Variants in ABL2 observed in about 807,000 individuals in gnomAD.
The protein encoded by ABL2 is tyrosine-protein kinase ABL2.
A neutral mutation model predicts 107.7 loss-of-function variants in ABL2; 49 were observed. The observed-to-expected ratio is 0.45, with a 90% CI of 0.36 to 0.58. ABL2 has a LOEUF of 0.58. Ranked by LOEUF, ABL2 falls within the 20% of genes least tolerant of loss-of-function variation. ABL2 has a pLI of 0.00. For synonymous variants in ABL2, 549 were observed against 548.6 expected (o/e 1.00, Z -0.01); for missense variants, 1,245 against 1,457.0 (o/e 0.85, Z 2.37).
chr1:179,177,819 C>T (rs913523743), intron 1 of ABL2, among the ~76,000 whole-genome samples: 3 of 152,052 alleles, frequency 2.0e-5, no homozygotes, highest in African/African-American at 7.3e-5. Flanking sequence ...TCATCAGTAA[C>T]CAAGGGAAAA....
rs1652976882 is a variant in ABL2, at chr1:179,100,091, A to G, written c.*7627T>C. 4.3e-6 allele frequency: 1 copy of G among 232,176 alleles called. No homozygotes were observed. Among genetic ancestry groups the G allele is most frequent in the Non-Finnish European group, 8.5e-6 (1 of 117,390 alleles). 14.4% of individuals were successfully genotyped at this position (232,176 alleles called of 1,614,324 possible). On this transcript the variant is annotated 3_prime_UTR_variant, in exon 12 of 12. Coordinates refer to ENST00000502732, the MANE Select transcript of ABL2 (RefSeq NM_007314.4). Reference sequence around the variant, plus strand: ...GAGAGGGTTTTCAAACATATGCCCTAAAGAACCATAAACAAGTATCTCATT... The same window carrying G: ...GAGAGGGTTTTCAAACATATGCCCTGAAGAACCATAAACAAGTATCTCATT...
chr1:179,110,980 C>CTTTTT (rs376797144), intron 10 of ABL2: 6 of 600,910 alleles, frequency 1.0e-5, no homozygotes, highest in African/African-American at 2.7e-5. Context: ...TTATTTTTGG[C>CTTTTT]TTTTTTTTTT....
chr1:179,142,025 AAGAC>A (rs777593517), intron 1 of ABL2, among the ~76,000 whole-genome samples: 3 of 152,250 alleles, frequency 2.0e-5, no homozygotes, highest in Non-Finnish European at 4.4e-5. Flanking sequence ...CTCATTGGTT[AAGAC>A]AGACATGTCT....
chr1:179,171,517 CAGGG>C (rs1254793942), intron 1 of ABL2, among the ~76,000 whole-genome samples: 4 of 152,260 alleles, frequency 2.6e-5, no homozygotes, highest in South Asian at 4.2e-4. Context: ...TTTAAAGACA[CAGGG>C]TCTCACTGTC....
At chr1:179,167,772 G>C (rs1456339354) in intron 1 of ABL2, among the ~76,000 whole-genome samples, 1 of 152,214 alleles carries the variant, frequency 6.6e-6, no homozygotes, top group African/African-American at 2.4e-5. Context: ...TTGAGGCCAA[G>C]AGTTCAAGAC....
chr1:179,159,253 C>T (rs1000960820), intron 1 of ABL2, among the ~76,000 whole-genome samples: 8 of 152,146 alleles, frequency 5.3e-5, no homozygotes, highest in African/African-American at 1.9e-4. Flanking sequence ...TCCTTAGAAC[C>T]TGTAGTCTAA....
chr1:179,135,748 G>C (rs1303701115), intron 1 of ABL2, among the ~76,000 whole-genome samples: 2 of 142,934 alleles, frequency 1.4e-5, no homozygotes, highest in East Asian at 4.3e-4. Context: ...CCCTCTGCCC[G>C]GCCAGCTGCC....
In ABL2 at chr1:179,137,189, T is replaced by C. The variant is rs1022360760; in HGVS notation, c.158-3815A>G. Among the ~76,000 whole-genome samples the C allele has an allele frequency of 6.6e-5, 10 of 152,168 alleles. No individual in the cohort carries two copies. In the East Asian group the frequency reaches 9.6e-4, roughly 15 times the overall value. On this transcript the variant is annotated intron_variant, in intron 1 of 11. Transcript: ENST00000502732. ...GGAACAGCTGTATTCTATACCAAGA[T>C]AGCCAATTTGGGATGACCAAATCAA...
chr1:179,226,310 CTTTTTTTTTTTTT>C (rs745831850), intron 1 of ABL2, among the ~76,000 whole-genome samples: 1 of 131,006 alleles, frequency 7.6e-6, no homozygotes. Flanking sequence ...ATTATCCCTA[CTTTTTTTTTTTTT>C]TTTTTTTTGA....
intron 1 of ABL2, among the ~76,000 whole-genome samples, chr1:179,192,766 A>G (rs1661091089): frequency 6.6e-6 from 1 of 152,224 alleles, no homozygotes; most frequent in South Asian, 2.1e-4. Context: ...TGGTTATTCA[A>G]AGTATGTTCT....
At chr1:179,130,001 A>T (rs1324777384) in intron 3 of ABL2, among the ~76,000 whole-genome samples, 1 of 152,086 alleles carries the variant, frequency 6.6e-6, no homozygotes, top group African/African-American at 2.4e-5. Context: ...GTGCAGTGGC[A>T]CCATCTCAGC....
chr1:179,165,667 T>C (rs1659333172), intron 1 of ABL2, among the ~76,000 whole-genome samples: 2 of 152,106 alleles, frequency 1.3e-5, no homozygotes, highest in South Asian at 4.1e-4. Context: ...TACATACTTT[T>C]ACTTTTCTGG....
At chr1:179,120,787 G>C (rs1172314980) in intron 5 of ABL2, among the ~76,000 whole-genome samples, 1 of 152,176 alleles carries the variant, frequency 6.6e-6, no homozygotes, top group East Asian at 1.9e-4. Context: ...TTAGCAGGAG[G>C]AGCAAAATTC....
chr1:179,174,428 G>A (rs1325852151), intron 1 of ABL2, among the ~76,000 whole-genome samples: 1 of 151,862 alleles, frequency 6.6e-6, no homozygotes, highest in Non-Finnish European at 1.5e-5. Flanking sequence ...GACCAACATG[G>A]AGAAACTCCA....
chr1:179,209,720 A>G (rs1319861672), intron 1 of ABL2, among the ~76,000 whole-genome samples: 1 of 152,198 alleles, frequency 6.6e-6, no homozygotes, highest in Non-Finnish European at 1.5e-5. Flanking sequence ...CAAAAATTTT[A>G]TCTTAAAAAC....
At chr1:179,162,511 G>C (rs138397186) in intron 1 of ABL2, among the ~76,000 whole-genome samples, 3,899 of 152,228 alleles carry the variant, frequency 0.026, 129 homozygotes, top group Admixed American at 0.065. Flanking sequence ...CTTGAACCCA[G>C]GAGGCAAAGG....
rs1448446026 is a variant in ABL2 at position 179,103,550 on chromosome 1, C to T, written c.*4168G>A. 4.6e-6 allele frequency: 1 copy of T among 216,250 alleles called. No homozygotes were observed. The highest frequency in any genetic ancestry group is 9.3e-6 in the Non-Finnish European group (1 of 107,488). The allele number at this position is 216,250 out of a possible 1,614,324, so 13.4% of individuals were successfully genotyped here. A position where few individuals can be genotyped will look rare whatever the true frequency, so the allele number is the denominator to read the frequency against. ...GTTGGTATTTCTTTACTACAAAGTGCACATTGCTGTGTTGCTGAGGTCTGT... is the reference window on the plus strand; with the variant it reads ...GTTGGTATTTCTTTACTACAAAGTGTACATTGCTGTGTTGCTGAGGTCTGT... On this transcript the variant is annotated 3_prime_UTR_variant, in exon 12 of 12. Coordinates refer to ENST00000502732, the MANE Select transcript of ABL2 (RefSeq NM_007314.4).
At chr1:179,131,546 C>A (rs759082826) in intron 2 of ABL2, 65 bp from the exon 3 acceptor site, 12 of 1,505,158 alleles carry the variant, frequency 8.0e-6, no homozygotes, top group Non-Finnish European at 1.0e-5. Context: ...TGTTTGAATT[C>A]ATTATATACA....
chr1:179,125,262 T>C (rs545905384), intron 4 of ABL2, among the ~76,000 whole-genome samples: 4 of 152,362 alleles, frequency 2.6e-5, no homozygotes, highest in African/African-American at 9.6e-5. Flanking sequence ...TGGAGGGCCA[T>C]AGTTTTACCT....
Sources: gnomAD v4.1 joint callset for allele counts (sites outside exome capture counted in the v4.1 genomes callset) on GRCh38, gnomAD v4.1.1 for gene constraint, MANE v1.5 for transcripts, NCBI Gene and HGNC (gene_info 2026-07-23, HGNC 2026-07-21) for gene names.